The following CLIC5 variants were observed in gnomAD, a reference collection of about 807,000 sequenced individuals.
The protein encoded by CLIC5 is CLIC family member 5.
A neutral mutation model predicts 24.7 loss-of-function variants in CLIC5; 20 were observed. The ratio of observed to expected loss-of-function variants is 0.81; its 90% CI spans 0.57 to 1.18. The LOEUF is 1.18. Among genes scored for constraint, CLIC5 ranks in the 50% most tolerant of loss-of-function variants. The pLI is 0.00. For missense variants in CLIC5, 341 were observed against 326.1 expected (o/e 1.05, Z -0.35); for synonymous variants, 159 against 135.6 (o/e 1.17, Z -1.20).
chr6:45,905,694 T>C (rs1762641915), intron 5 of CLIC5, among the ~76,000 whole-genome samples: 1 of 152,180 alleles, frequency 6.6e-6, no homozygotes, highest in African/African-American at 2.4e-5. Context: ...TTCACTCTGT[T>C]GATAGTTTCT....
rs201677732 is a variant in CLIC5 at position 46,072,236 on chromosome 6, GAA to G, written c.540+7465_540+7466del. Reference sequence around the variant, plus strand: ...TGCTAATGTACCCCTGAACTTAAAAGAAAAAAAAAAAAAAAGAAACACATGTG... The same window carrying G: ...TGCTAATGTACCCCTGAACTTAAAAGAAAAAAAAAAAAAGAAACACATGTG... On this transcript the variant is annotated intron_variant, in intron 1 of 5. Coordinates refer to the CLIC5 transcript ENST00000185206. 3.7e-3 allele frequency among the ~76,000 whole-genome samples: 398 copies of G among 108,318 alleles called. 2 individuals are homozygous for G. The highest frequency in any genetic ancestry group is 0.012 in the African/African-American group (342 of 28,144). 71.1% of individuals were successfully genotyped at this position (108,318 alleles called of 152,430 possible).
intron 1 of CLIC5, among the ~76,000 whole-genome samples, chr6:45,967,443 G>C (rs536628774): frequency 3.3e-5 from 5 of 152,188 alleles, no homozygotes; most frequent in Non-Finnish European, 7.3e-5. Flanking sequence ...AAGGGTTCAC[G>C]GAAGGATTTG....
intron 1 of CLIC5, among the ~76,000 whole-genome samples, chr6:45,965,343 T>C (rs1764982700): frequency 6.6e-6 from 1 of 152,202 alleles, no homozygotes; most frequent in Non-Finnish European, 1.5e-5. Flanking sequence ...AACACCTTTT[T>C]CAAGTAGTTC....
At chr6:45,944,465 C>T (rs1764225657) in intron 3 of CLIC5, among the ~76,000 whole-genome samples, 1 of 147,528 alleles carries the variant, frequency 6.8e-6, no homozygotes, top group Admixed American at 6.9e-5. Context: ...ATGAAAATTT[C>T]TCTCCACCCG....
At chr6:45,968,523 T>A (rs1765091294) in intron 1 of CLIC5, among the ~76,000 whole-genome samples, 1 of 152,134 alleles carries the variant, frequency 6.6e-6, no homozygotes, top group Admixed American at 6.6e-5. Flanking sequence ...TTGTTACTTC[T>A]GCAGCTCTGA....
chr6:45,973,500 T>C (rs909811789), intron 1 of CLIC5, among the ~76,000 whole-genome samples: 13 of 150,582 alleles, frequency 8.6e-5, no homozygotes, highest in Admixed American at 3.3e-4. Context: ...TTTGTGGGTG[T>C]TTTTGTTTGT....
At chr6:46,068,221 A>G (rs187920645) in intron 1 of CLIC5, among the ~76,000 whole-genome samples, 1 of 152,232 alleles carries the variant, frequency 6.6e-6, no homozygotes, top group Non-Finnish European at 1.5e-5. Flanking sequence ...GGCCCTGACA[A>G]TACCCTATCT....
intron 1 of CLIC5, among the ~76,000 whole-genome samples, chr6:45,959,366 C>A (rs1257264454): frequency 6.6e-6 from 1 of 152,070 alleles, no homozygotes; most frequent in Non-Finnish European, 1.5e-5. Flanking sequence ...ACATACACAA[C>A]ATCTTAACAC....
Position 46,015,577 on chromosome 6 carries a change from G to A in CLIC5, c.-35C>T. 1 of 1,543,416 alleles carries A rather than the reference G, an allele frequency of 6.5e-7. No homozygotes were observed. The highest frequency in any genetic ancestry group is 2.5e-5 in the East Asian group (1 of 39,502). On this transcript the variant is annotated 5_prime_UTR_variant, in exon 1 of 6. Transcript: ENST00000339561. ...GCCCGGGGCTACCGTCCCGGGCCGGGGAGGCGCCACCTCTGCAGCACCTGG... is the reference window on the plus strand; with the variant it reads ...GCCCGGGGCTACCGTCCCGGGCCGGAGAGGCGCCACCTCTGCAGCACCTGG...
chr6:46,088,879 A>T, the CLIC5 span, among the ~76,000 whole-genome samples: 1 of 152,194 alleles, frequency 6.6e-6, no homozygotes, highest in Non-Finnish European at 1.5e-5. Context: ...ATAAATAAGA[A>T]CATCTTCTCT....
intron 1 of CLIC5, among the ~76,000 whole-genome samples, chr6:46,050,075 T>A (rs981001021): frequency 3.3e-5 from 5 of 152,124 alleles, no homozygotes; most frequent in African/African-American, 1.2e-4. Flanking sequence ...TGCCAATATA[T>A]CTCCTCAGCA....
intron 1 of CLIC5, among the ~76,000 whole-genome samples, chr6:45,976,224 G>A (rs1416465145): frequency 1.3e-5 from 2 of 152,176 alleles, no homozygotes; most frequent in African/African-American, 4.8e-5. Context: ...ATGGTAAATA[G>A]GAGACTCAAC....
the CLIC5 span, among the ~76,000 whole-genome samples, chr6:46,120,787 A>C: frequency 6.6e-6 from 1 of 152,228 alleles, no homozygotes; most frequent in South Asian, 2.1e-4. Flanking sequence ...TGATGAATGC[A>C]CAAGCTTCAG....
At chr6:45,912,718 T>C (rs1322271015) in intron 5 of CLIC5, 1 of 1,535,074 alleles carries the variant, frequency 6.5e-7, no homozygotes, top group East Asian at 2.4e-5. Context: ...AATTATATCA[T>C]CCCTTTCAGT....
chr6:46,108,032 CAAAAAAA>C, the CLIC5 span, among the ~76,000 whole-genome samples: 7 of 33,310 alleles, frequency 2.1e-4, no homozygotes, highest in East Asian at 9.0e-4. Context: ...AAAACTCCAT[CAAAAAAA>C]AAAAAAAAAA....
the CLIC5 span, among the ~76,000 whole-genome samples, chr6:46,126,148 A>G: frequency 3.3e-5 from 5 of 152,136 alleles, no homozygotes; most frequent in South Asian, 1.0e-3. Context: ...TGCCCCGTGG[A>G]TGAGGGGAAT....
intron 1 of CLIC5, among the ~76,000 whole-genome samples, chr6:46,032,465 T>C (rs1466502350): frequency 6.6e-6 from 1 of 152,224 alleles, no homozygotes; most frequent in East Asian, 1.9e-4. Flanking sequence ...TGCATTTTTA[T>C]ATCATCTGAC....
chr6:45,966,974 G>T (rs75797936), intron 1 of CLIC5, among the ~76,000 whole-genome samples: 2,206 of 152,296 alleles, frequency 0.014, 67 homozygotes, highest in African/African-American at 0.051. Flanking sequence ...TGCTGTGACC[G>T]GGTACAGAAA....
At chr6:45,938,734 T>A (rs1053708137) in intron 4 of CLIC5, among the ~76,000 whole-genome samples, 1 of 152,144 alleles carries the variant, frequency 6.6e-6, no homozygotes, top group Non-Finnish European at 1.5e-5. Context: ...GGATAATATG[T>A]AAACACCATT....
Sources: allele counts gnomAD v4.1 joint callset (sites outside exome capture counted in the v4.1 genomes callset), GRCh38; gene constraint gnomAD v4.1.1; transcripts MANE v1.5; gene names NCBI Gene and HGNC (gene_info 2026-07-23, HGNC 2026-07-21).